The following RB1 variants were observed in gnomAD, a reference collection of about 807,000 sequenced individuals.
RB1 encodes the protein RB transcriptional corepressor 1, also known as retinoblastoma-associated protein.
In RB1, 18 loss-of-function variants were observed where a neutral mutation model predicts 135.4. That is an observed-to-expected ratio of 0.13 (90% CI 0.09 to 0.20). RB1 has a LOEUF of 0.20. Among genes scored for constraint, RB1 ranks in the 10% least tolerant of loss-of-function variants. The pLI is 1.00. For missense variants in RB1, 868 were observed against 1,110.0 expected, an observed-to-expected ratio of 0.78 and a Z score of 3.10; for synonymous variants, 365 against 373.2, an observed-to-expected ratio of 0.98 and a Z score of 0.25.
rs753352976 is a variant in RB1 at position 48,342,649 on chromosome 13, T to C, written c.315T>C (p.Ile105=). The C allele has an allele frequency of 2.5e-6, 4 of 1,612,888 alleles. No homozygotes were observed. In the South Asian group the frequency reaches 4.4e-5, roughly 18 times the overall value. Residue 105 remains isoleucine, a synonymous_variant, in exon 3 of 27, where the codon ATT becomes ATC. Coordinates refer to ENST00000267163, the MANE Select transcript of RB1 (RefSeq NM_000321.3). ...KKELWGICIF[I]AAVDLDEMSF... is the part of the protein sequence containing the mutation. ...AACTGTGGGGAATCTGTATCTTTATTGCAGCAGTTGACCTAGATGAGATGT... is the reference window on the plus strand; with the variant it reads ...AACTGTGGGGAATCTGTATCTTTATCGCAGCAGTTGACCTAGATGAGATGT...
At chr13:48,325,823 A>G (rs1264980949) in intron 2 of RB1, among the ~76,000 whole-genome samples, 1 of 152,176 alleles carries the variant, frequency 6.6e-6, no homozygotes, top group Admixed American at 6.5e-5. Flanking sequence ...ATTTTCATGC[A>G]CAAATGAGAG....
intron 17 of RB1, among the ~76,000 whole-genome samples, chr13:48,406,160 G>T (rs983897789): frequency 1.3e-5 from 2 of 151,818 alleles, no homozygotes; most frequent in Non-Finnish European, 2.9e-5. Context: ...TGTGTCTTGA[G>T]GATCAATACC....
chr13:48,461,856 G>C (rs144954802), intron 20 of RB1, among the ~76,000 whole-genome samples: 2 of 151,714 alleles, frequency 1.3e-5, no homozygotes, highest in African/African-American at 4.8e-5. Context: ...TTTTTGACAC[G>C]GAGTCTTGCT....
At chr13:48,464,941 T>C in intron 21 of RB1, 57 bp from the exon 22 acceptor site, 1 of 1,487,818 alleles carries the variant, frequency 6.7e-7, no homozygotes, top group South Asian at 1.3e-5. Flanking sequence ...TAAAATTCAT[T>C]TAACAAGTAA....
At chr13:48,452,712 T>G (rs1692497451) in intron 17 of RB1, among the ~76,000 whole-genome samples, 1 of 152,142 alleles carries the variant, frequency 6.6e-6, no homozygotes, top group Admixed American at 6.5e-5. Flanking sequence ...CTCTCCACTT[T>G]CTTCGTTTTT....
intron 11 of RB1, among the ~76,000 whole-genome samples, chr13:48,371,360 G>A (rs1426246130): frequency 6.6e-6 from 1 of 152,130 alleles, no homozygotes; most frequent in African/African-American, 2.4e-5. Context: ...ATAACCTGAG[G>A]AATTTTGTTT....
Position 48,376,794 on chromosome 13 carries a change from G to C in RB1, c.1216-124G>C, listed in dbSNP as rs1293740665. 5.0e-5 allele frequency: 72 copies of C among 1,443,152 alleles called. No individual in the cohort carries two copies. The Admixed American group carries it at 1.3e-3, about 26-fold the overall frequency. 89.4% of individuals were successfully genotyped at this position (1,443,152 alleles called of 1,614,324 possible). On this transcript the variant is annotated intron_variant, in intron 12 of 26. Coordinates refer to ENST00000267163, the MANE Select transcript of RB1 (RefSeq NM_000321.3). ...TATGTTCAGTAGTTGTGGTTACCTA[G>C]TTATTATGGAAGTGTTTCCACATTT...
chr13:48,464,712 A>G (rs1268653430), intron 21 of RB1, among the ~76,000 whole-genome samples: 3 of 152,068 alleles, frequency 2.0e-5, no homozygotes, highest in Non-Finnish European at 4.4e-5. Context: ...TTCCCAGTCT[A>G]TATACTCTTC....
chr13:48,443,305 AAG>A (rs1342748023), intron 17 of RB1, among the ~76,000 whole-genome samples: 8 of 151,846 alleles, frequency 5.3e-5, no homozygotes, highest in African/African-American at 1.7e-4. Context: ...GTTTTAAAGA[AAG>A]AGTCATAAAT....
chr13:48,378,063 G>A (rs145608497), intron 13 of RB1, among the ~76,000 whole-genome samples: 11 of 152,300 alleles, frequency 7.2e-5, no homozygotes, highest in East Asian at 1.9e-4. Flanking sequence ...TCAGTGAGTC[G>A]AGTGGCAAGT....
At chr13:48,314,277 A>T (rs1345468508) in intron 2 of RB1, among the ~76,000 whole-genome samples, 1 of 152,142 alleles carries the variant, frequency 6.6e-6, no homozygotes, top group East Asian at 1.9e-4. Context: ...TTGGATCTAG[A>T]TCAATTTGCG....
intron 7 of RB1, chr13:48,360,528 G>A (rs1020552437): frequency 5.6e-6 from 1 of 180,020 alleles, no homozygotes; most frequent in African/African-American, 2.4e-5. Context: ...AAAAAGATAT[G>A]AATGAAATTG....
intron 2 of RB1, among the ~76,000 whole-genome samples, chr13:48,323,045 G>C (rs1297988024): frequency 6.6e-6 from 1 of 152,048 alleles, no homozygotes; most frequent in Admixed American, 6.5e-5. Flanking sequence ...AATGGACTGG[G>C]AAGTGTTCCC....
At chr13:48,336,232 A>G (rs1057070930) in intron 2 of RB1, among the ~76,000 whole-genome samples, 2 of 152,016 alleles carry the variant, frequency 1.3e-5, no homozygotes, top group Non-Finnish European at 2.9e-5. Flanking sequence ...CTCTTTTTCT[A>G]TTGATTGGAA....
At chr13:48,419,576 CA>C (rs1171697484) in intron 17 of RB1, among the ~76,000 whole-genome samples, 1 of 151,916 alleles carries the variant, frequency 6.6e-6, no homozygotes, top group Admixed American at 6.6e-5. Context: ...AAAAACCCTT[CA>C]AAAAATCAAT....
chr13:48,359,873 T>C (rs74541954), intron 6 of RB1, 144 bp from the exon 7 acceptor site: 3 of 1,247,712 alleles, frequency 2.4e-6, no homozygotes, highest in African/African-American at 1.5e-5. Context: ...TTTTTTTTTT[T>C]ACAAAAAAAA....
intron 2 of RB1, among the ~76,000 whole-genome samples, chr13:48,310,737 CTTA>C (rs937985786): frequency 2.0e-5 from 3 of 151,802 alleles, no homozygotes; most frequent in African/African-American, 7.3e-5. Context: ...TGTTAAAATT[CTTA>C]TTTTTAAGTA....
intron 2 of RB1, among the ~76,000 whole-genome samples, chr13:48,331,670 T>C (rs1203393952): frequency 6.6e-6 from 1 of 152,200 alleles, no homozygotes; most frequent in East Asian, 1.9e-4. Context: ...ATGTCTTTTA[T>C]GGAAAACAGT....
chr13:48,350,771 A>G (rs1262203915), intron 6 of RB1, among the ~76,000 whole-genome samples: 1 of 151,864 alleles, frequency 6.6e-6, no homozygotes, highest in Non-Finnish European at 1.5e-5. Context: ...TGTTGTTTCC[A>G]TCTTTGTGTT....
Sources: allele counts gnomAD v4.1 joint callset (sites outside exome capture counted in the v4.1 genomes callset), GRCh38; gene constraint gnomAD v4.1.1; transcripts MANE v1.5; gene names NCBI Gene and HGNC (gene_info 2026-07-23, HGNC 2026-07-21).